The following CCDC91 variants were observed in gnomAD, a reference collection of about 807,000 sequenced individuals.
The protein encoded by CCDC91 is coiled-coil domain-containing protein 91.
In CCDC91, 48 loss-of-function variants were observed where a neutral mutation model predicts 63.2. The ratio of observed to expected loss-of-function variants is 0.76; its 90% CI spans 0.60 to 0.97. The LOEUF (loss-of-function observed/expected upper bound fraction) is 0.97, where lower values mean the gene tolerates loss of function less well. CCDC91 is among the 50% of genes least tolerant of loss of function. The probability of loss-of-function intolerance (pLI) is 0.00; values close to 1 mark genes in which losing one functional copy is unlikely to be tolerated. For missense variants in CCDC91, 500 were observed against 494.6 expected (o/e 1.01, Z -0.10); for synonymous variants, 167 against 165.8 (o/e 1.01, Z -0.06).
In CCDC91 at chr12:28,380,093, A is replaced by C. The variant is rs550328453; in HGVS notation, c.655-11211A>C. On this transcript the variant is annotated intron_variant, in intron 7 of 12. Coordinates refer to ENST00000536442, the MANE Select transcript of CCDC91 (RefSeq NM_018318.5). Reference sequence around the variant, plus strand: ...ACAAGGACAGAAAACCAAACACCGCATGTTTTCACTCATAGGTGGGAATTG... The same window carrying C: ...ACAAGGACAGAAAACCAAACACCGCCTGTTTTCACTCATAGGTGGGAATTG... Among the ~76,000 whole-genome samples, 346 of 152,094 alleles carry C rather than the reference A, an allele frequency of 2.3e-3. 1 individual carries two copies. Among genetic ancestry groups the C allele is most frequent in the South Asian group, 5.0e-3 (24 of 4,816 alleles).
chr12:28,444,848 G>T (rs1423630334), intron 8 of CCDC91, among the ~76,000 whole-genome samples: 3 of 103,076 alleles, frequency 2.9e-5, no homozygotes, highest in Non-Finnish European at 5.6e-5. Context: ...TTTTCTTAAA[G>T]ATTTTTTTTT....
At chr12:28,335,635 G>C (rs1217788905) in intron 6 of CCDC91, among the ~76,000 whole-genome samples, 1 of 151,432 alleles carries the variant, frequency 6.6e-6, no homozygotes, top group Non-Finnish European at 1.5e-5. Context: ...TCAAACTCTT[G>C]TCCTCAAGCA....
intron 3 of CCDC91, among the ~76,000 whole-genome samples, chr12:28,294,214 G>A (rs1042713252): frequency 3.9e-5 from 6 of 152,128 alleles, no homozygotes; most frequent in Non-Finnish European, 7.4e-5. Context: ...TATGTACCAG[G>A]TCAATGACAG....
chr12:28,451,055 A>G (rs1174423711), intron 10 of CCDC91, among the ~76,000 whole-genome samples: 1 of 151,770 alleles, frequency 6.6e-6, no homozygotes, highest in Non-Finnish European at 1.5e-5. Flanking sequence ...TCTATGTCAT[A>G]GAAGTTTTTT....
intron 3 of CCDC91, among the ~76,000 whole-genome samples, chr12:28,275,171 G>T (rs1193548434): frequency 6.6e-6 from 1 of 152,084 alleles, no homozygotes; most frequent in Non-Finnish European, 1.5e-5. Context: ...AAAAATCAAT[G>T]AATCCAGGAG....
At chr12:28,362,017 C>T (rs1943921103) in intron 6 of CCDC91, among the ~76,000 whole-genome samples, 1 of 152,066 alleles carries the variant, frequency 6.6e-6, no homozygotes, top group Non-Finnish European at 1.5e-5. Context: ...TCATCCTCTC[C>T]TGTCCTAGGT....
chr12:28,253,582 T>C (rs1979679), intron 1 of CCDC91, among the ~76,000 whole-genome samples: 37,929 of 152,152 alleles, frequency 0.25, 5,265 homozygotes, highest in East Asian at 0.57. Context: ...GATTCTCTTA[T>C]GTATTCATAA....
intron 12 of CCDC91, among the ~76,000 whole-genome samples, chr12:28,539,442 C>T (rs1411669738): frequency 6.6e-6 from 1 of 152,084 alleles, no homozygotes; most frequent in African/African-American, 2.4e-5. Flanking sequence ...TTTCTGAGGG[C>T]TCTGTTCTGT....
chr12:28,388,579 A>C (rs1303860017), intron 7 of CCDC91, among the ~76,000 whole-genome samples: 1 of 152,188 alleles, frequency 6.6e-6, no homozygotes. Context: ...TACAAGGAAA[A>C]CTAGAAAACA....
intron 12 of CCDC91, among the ~76,000 whole-genome samples, chr12:28,491,962 G>GGGGT (rs1952033648): frequency 1.4e-5 from 2 of 146,786 alleles, no homozygotes; most frequent in Non-Finnish European, 3.0e-5. Flanking sequence ...AAGGTGTTGG[G>GGGGT]GTGTGTGTGT....
intron 8 of CCDC91, among the ~76,000 whole-genome samples, chr12:28,447,225 G>A (rs1949546862): frequency 6.6e-6 from 1 of 151,958 alleles, no homozygotes. Flanking sequence ...CTATAAAAAG[G>A]AGAATGGTAA....
chr12:28,259,714 T>G (rs987871540), intron 3 of CCDC91, among the ~76,000 whole-genome samples: 9 of 151,934 alleles, frequency 5.9e-5, no homozygotes, highest in African/African-American at 2.2e-4. Context: ...TTTATCTTAG[T>G]TTTTGGAAGG....
chr12:28,261,919 T>A (rs1323776942), intron 3 of CCDC91, among the ~76,000 whole-genome samples: 1 of 151,984 alleles, frequency 6.6e-6, no homozygotes, highest in Non-Finnish European at 1.5e-5. Context: ...CTTTCTAGAT[T>A]TTCTCAGTGA....
chr12:28,343,197 AATAT>A (rs10566510), intron 6 of CCDC91, among the ~76,000 whole-genome samples: 1,736 of 145,036 alleles, frequency 0.012, 25 homozygotes, highest in African/African-American at 0.03. Context: ...TATATTGTGT[AATAT>A]ATATATATAT....
chr12:28,421,474 C>T (rs2139912586), intron 8 of CCDC91, among the ~76,000 whole-genome samples: 1 of 151,956 alleles, frequency 6.6e-6, no homozygotes, highest in Non-Finnish European at 1.5e-5. Context: ...GGTTTTCAGT[C>T]CCTAGTTAGA....
intron 12 of CCDC91, among the ~76,000 whole-genome samples, chr12:28,493,280 T>C (rs1306542785): frequency 6.6e-6 from 1 of 151,716 alleles, no homozygotes; most frequent in East Asian, 1.9e-4. Flanking sequence ...GATTGTAGGA[T>C]CTACCTTGGT....
chr12:28,272,145 C>G (rs540240484), intron 3 of CCDC91, among the ~76,000 whole-genome samples: 2 of 151,900 alleles, frequency 1.3e-5, no homozygotes, highest in South Asian at 4.2e-4. Flanking sequence ...TCTTTTCTTT[C>G]TGGATCACTT....
chr12:28,414,854 T>C (rs973527679), intron 8 of CCDC91, among the ~76,000 whole-genome samples: 3 of 152,090 alleles, frequency 2.0e-5, no homozygotes, highest in East Asian at 1.9e-4. Flanking sequence ...GTAAAACAAA[T>C]GACATATTAA....
chr12:28,493,882 C>G (rs1241431750), intron 12 of CCDC91, among the ~76,000 whole-genome samples: 1 of 151,694 alleles, frequency 6.6e-6, no homozygotes, highest in Non-Finnish European at 1.5e-5. Flanking sequence ...CTTCTGCTGT[C>G]ACAATCATCT....
Sources: gnomAD v4.1 joint callset for allele counts (sites outside exome capture counted in the v4.1 genomes callset) on GRCh38, gnomAD v4.1.1 for gene constraint, MANE v1.5 for transcripts, NCBI Gene and HGNC (gene_info 2026-07-23, HGNC 2026-07-21) for gene names.